NTNG2: variants seen among roughly 807,000 people sequenced by gnomAD.
The protein encoded by NTNG2 is netrin-G2.
Under a neutral mutation model 47.6 loss-of-function variants are expected in NTNG2, and 15 were observed. That is an observed-to-expected ratio of 0.32 (90% CI 0.21 to 0.49). The LOEUF (loss-of-function observed/expected upper bound fraction) is 0.49. Among genes scored for constraint, NTNG2 ranks in the 20% least tolerant of loss-of-function variants. The probability of loss-of-function intolerance (pLI) is 0.99; values close to 1 mark genes in which losing one functional copy is unlikely to be tolerated. For missense variants in NTNG2, 578 were observed against 764.6 expected (o/e 0.76, Z 2.88); for synonymous variants, 307 against 324.6 (o/e 0.95, Z 0.58).
In NTNG2 at chr9:132,230,730, A is replaced by G; in HGVS notation, c.1054+135A>G. 5 of 824,212 alleles carry G rather than the reference A, an allele frequency of 6.1e-6. No individual in the cohort carries two copies. In the Admixed American group the frequency reaches 1.1e-4, roughly 19 times the overall value. The allele number at this position is 824,212 out of a possible 1,614,324, so 51.1% of individuals were successfully genotyped here. A position where few individuals can be genotyped will look rare whatever the true frequency, so the allele number is the denominator to read the frequency against. On this transcript the variant is annotated intron_variant, in intron 5 of 7. Transcript: ENST00000393229. ...TTGGGCCTATTCACTCCCTCCTCTA[A>G]TTACACCCCATCTGCTTCTCCACCT...
chr9:132,178,338 C>T (rs1282264555), intron 2 of NTNG2, among the ~76,000 whole-genome samples: 1 of 152,196 alleles, frequency 6.6e-6, no homozygotes, highest in East Asian at 1.9e-4. Context: ...CGTCCCTCTC[C>T]CACGCAGCCA....
At chr9:132,224,847 GA>G (rs1392459748) in intron 3 of NTNG2, among the ~76,000 whole-genome samples, 2 of 152,226 alleles carry the variant, frequency 1.3e-5, no homozygotes, top group South Asian at 2.1e-4. Flanking sequence ...ACCAACTAGT[GA>G]ATCTTCTTGT....
chr9:132,198,869 T>C (rs1838528950), intron 3 of NTNG2, among the ~76,000 whole-genome samples: 1 of 152,066 alleles, frequency 6.6e-6, no homozygotes. Flanking sequence ...TCTTGGGATG[T>C]TACCTGGTAC....
At chr9:132,186,740 G>A (rs1837415559) in intron 2 of NTNG2, among the ~76,000 whole-genome samples, 1 of 152,256 alleles carries the variant, frequency 6.6e-6, no homozygotes, top group Non-Finnish European at 1.5e-5. Context: ...CCCCAAAGCG[G>A]AGCGAAGCCC....
intron 3 of NTNG2, among the ~76,000 whole-genome samples, chr9:132,219,860 A>G (rs1405365775): frequency 2.0e-5 from 3 of 152,210 alleles, no homozygotes; most frequent in Non-Finnish European, 4.4e-5. Context: ...TCTCTTGGTT[A>G]TATACCTAGG....
At chr9:132,216,428 A>ATGTGTG (rs10578395) in intron 3 of NTNG2, among the ~76,000 whole-genome samples, 1 of 87,648 alleles carries the variant, frequency 1.1e-5, no homozygotes, top group Non-Finnish European at 2.2e-5. Context: ...GTGTGTGTGT[A>ATGTGTG]TGTGTGTGTG....
intron 3 of NTNG2, among the ~76,000 whole-genome samples, chr9:132,216,560 T>A (rs1005290572): frequency 1.3e-5 from 2 of 151,770 alleles, no homozygotes; most frequent in African/African-American, 4.8e-5. Context: ...CCTGGTGGCC[T>A]GGGAGGGGTC....
chr9:132,191,500 G>A (rs1310477988), intron 2 of NTNG2, among the ~76,000 whole-genome samples: 3 of 152,012 alleles, frequency 2.0e-5, no homozygotes, highest in African/African-American at 7.3e-5. Context: ...AGCTGAGAGG[G>A]AACTCAGGGC....
At chr9:132,204,237 G>A (rs554470849) in intron 3 of NTNG2, among the ~76,000 whole-genome samples, 1 of 152,306 alleles carries the variant, frequency 6.6e-6, no homozygotes, top group Non-Finnish European at 1.5e-5. Flanking sequence ...CCCGGCTCCT[G>A]CAGACCCAGC....
At chr9:132,229,413 C>T (rs1841031013) in intron 4 of NTNG2, among the ~76,000 whole-genome samples, 1 of 152,176 alleles carries the variant, frequency 6.6e-6, no homozygotes, top group Non-Finnish European at 1.5e-5. Flanking sequence ...CCAAGTCTCT[C>T]CCAATGCCAT....
chr9:132,174,275 C>T (rs1197442042), intron 2 of NTNG2, among the ~76,000 whole-genome samples: 17 of 139,626 alleles, frequency 1.2e-4, no homozygotes, highest in Non-Finnish European at 2.1e-4. Flanking sequence ...GATGGACAGA[C>T]GGACAGACAG....
At chr9:132,209,468 C>A (rs368117190) in intron 3 of NTNG2, among the ~76,000 whole-genome samples, 2 of 152,314 alleles carry the variant, frequency 1.3e-5, no homozygotes, top group African/African-American at 4.8e-5. Context: ...GGGAGCCGGG[C>A]GGGCTGCAGC....
At chr9:132,196,030 C>T (rs1266166985) in intron 2 of NTNG2, among the ~76,000 whole-genome samples, 1 of 152,068 alleles carries the variant, frequency 6.6e-6, no homozygotes, top group Non-Finnish European at 1.5e-5. Context: ...CTCGGCCTCC[C>T]GGAGTGTTGG....
rs903777633 is a variant in NTNG2 at position 132,244,289 on chromosome 9, G to A, written c.*2178G>A. 3.9e-5 allele frequency: 6 copies of A among 152,346 alleles called. No individual in the cohort carries two copies. The highest frequency in any genetic ancestry group is 3.9e-4 in the Admixed American group (6 of 15,310). The allele number at this position is 152,346 out of a possible 1,614,324, so 9.4% of individuals were successfully genotyped here. On this transcript the variant is annotated 3_prime_UTR_variant, in exon 8 of 8. Coordinates refer to ENST00000393229, the MANE Select transcript of NTNG2 (RefSeq NM_032536.4). ...GATAGTGAAGGGTGGAGCCGGGGGT[G>A]GAAGTTGCAGAGCCTGGGACACCTG...
At position 132,231,664 on chromosome 9, in the gene NTNG2, A is replaced by C; in HGVS notation, c.1054+1069A>C. The stretch of plus-strand genomic sequence containing the variant: ...CCAGGCATCAGCAGGTCCCAGAAAG[A>C]CCCCGACCCCAAAGGCCCTGTGGCC... On this transcript the variant is annotated intron_variant, in intron 5 of 7. Transcript: ENST00000393229. The surrounding 1 kb of genome is among the most constrained non-coding windows in gnomAD (Gnocchi z 4.1). The C allele has an allele frequency of 4.0e-6, 1 of 250,264 alleles. No individual in the cohort carries two copies. Among genetic ancestry groups the C allele is most frequent in the Non-Finnish European group, 8.0e-6 (1 of 124,806 alleles). The allele number at this position is 250,264 out of a possible 1,614,324, so 15.5% of individuals were successfully genotyped here. A position where few individuals can be genotyped will look rare whatever the true frequency, so the allele number is the denominator to read the frequency against.
In NTNG2 at chr9:132,236,528, C is replaced by T. The variant is rs984838051; in HGVS notation, c.1055-2576C>T. ...CTCACATGTTCAAATTTCCTCCAGCCCCAGCTCTGAGCAGCGAGCAGGGCT... is the reference window on the plus strand; with the variant it reads ...CTCACATGTTCAAATTTCCTCCAGCTCCAGCTCTGAGCAGCGAGCAGGGCT... On this transcript the variant is annotated intron_variant, in intron 5 of 7. Transcript: ENST00000393229. This position sits in a 1 kb window ranked among gnomAD's most constrained non-coding sequence, Gnocchi z 4.3. Among the ~76,000 whole-genome samples the T allele has an allele frequency of 6.6e-6, 1 of 152,216 alleles. No homozygotes were observed. Among genetic ancestry groups the T allele is most frequent in the African/African-American group, 2.4e-5 (1 of 41,452 alleles).
chr9:132,195,578 C>T (rs796902319), intron 2 of NTNG2, among the ~76,000 whole-genome samples: 3 of 150,004 alleles, frequency 2.0e-5, no homozygotes, highest in African/African-American at 4.9e-5. Context: ...CCACCCGCCT[C>T]GGCCTCCCAA....
chr9:132,194,633 TAC>T (rs769317415), intron 2 of NTNG2, among the ~76,000 whole-genome samples: 1 of 152,236 alleles, frequency 6.6e-6, no homozygotes, highest in Non-Finnish European at 1.5e-5. Context: ...GGGCCAGTCC[TAC>T]CCTGGCCCGG....
chr9:132,229,932 G>C (rs1841071233), intron 4 of NTNG2, among the ~76,000 whole-genome samples: 1 of 152,182 alleles, frequency 6.6e-6, no homozygotes, highest in African/African-American at 2.4e-5. Context: ...TGGACACACA[G>C]AGACACACCT....
Sources: gnomAD v4.1 joint callset for allele counts (sites outside exome capture counted in the v4.1 genomes callset) on GRCh38, gnomAD v4.1.1 for gene constraint, Gnocchi (gnomAD v3.1) non-coding constraint, MANE v1.5 for transcripts, NCBI Gene and HGNC (gene_info 2026-07-23, HGNC 2026-07-21) for gene names.